The following TRIO variants were observed in gnomAD, a reference collection of about 807,000 sequenced individuals.
The protein encoded by TRIO is triple functional domain protein.
Under a neutral mutation model 351.9 loss-of-function variants are expected in TRIO, and 58 were observed. The observed-to-expected ratio is 0.16, with a 90% confidence interval of 0.13 to 0.21. The LOEUF is 0.21. Among genes scored for constraint, TRIO ranks in the 10% least tolerant of loss-of-function variants. The pLI is 1.00. For synonymous variants in TRIO, 1,758 were observed against 1,595.7 expected, an observed-to-expected ratio of 1.10 and a Z score of -2.42; for missense variants, 3,201 against 4,027.8, an observed-to-expected ratio of 0.79 and a Z score of 5.56.
chr5:14,156,960 T>TATA (rs1211437685), intron 1 of TRIO, among the ~76,000 whole-genome samples: 4 of 152,174 alleles, frequency 2.6e-5, no homozygotes, highest in African/African-American at 9.6e-5. Flanking sequence ...TCATACAGTT[T>TATA]ATAAAAAGGA....
chr5:14,378,253 T>G (rs1745742830), intron 20 of TRIO, 126 bp downstream of exon 20: 1 of 641,902 alleles, frequency 1.6e-6, no homozygotes. Flanking sequence ...CAGTATAGCC[T>G]TCTAGTTAAG....
At chr5:14,396,247 A>G (rs997032251) in intron 28 of TRIO, among the ~76,000 whole-genome samples, 3 of 151,904 alleles carry the variant, frequency 2.0e-5, no homozygotes. Context: ...ATTTGACTGT[A>G]AGTAACTCAT....
intron 1 of TRIO, among the ~76,000 whole-genome samples, chr5:14,255,321 C>G (rs550992323): frequency 6.6e-6 from 1 of 152,112 alleles, no homozygotes; most frequent in Non-Finnish European, 1.5e-5. Flanking sequence ...CTTGGGTTCT[C>G]GGGTAGTGGA....
intron 48 of TRIO, chr5:14,490,949 A>AAAG: frequency 2.3e-6 from 1 of 434,038 alleles, no homozygotes; most frequent in Non-Finnish European, 4.6e-6. Flanking sequence ...TGCACAAGCC[A>AAAG]AAGCCTTCCC....
chr5:14,340,223 C>T (rs1320119296), intron 11 of TRIO, among the ~76,000 whole-genome samples: 3 of 151,912 alleles, frequency 2.0e-5, no homozygotes, highest in East Asian at 3.9e-4. Flanking sequence ...GGTGAAACCC[C>T]GTCTCTACTA....
rs1794523598 is a variant in TRIO at position 14,247,852 on chromosome 5, G to C, written c.158-22973G>C. Among the ~76,000 whole-genome samples the C allele has an allele frequency of 2.0e-5, 3 of 152,236 alleles. No individual in the cohort carries two copies. In the South Asian group the frequency reaches 6.2e-4, roughly 32 times the overall value. On this transcript the variant is annotated intron_variant, in intron 1 of 56. Transcript: ENST00000344204. ...AGAGGCCGAGACAGGCAGATCACGA[G>C]GTCAGGAGTTCAAGACCAGCCTGGC...
intron 34 of TRIO, among the ~76,000 whole-genome samples, chr5:14,456,857 A>C (rs1400827818): frequency 6.6e-6 from 1 of 152,238 alleles, no homozygotes; most frequent in Non-Finnish European, 1.5e-5. Flanking sequence ...ATAGCTAAAA[A>C]TAATAGATAT....
intron 1 of TRIO, among the ~76,000 whole-genome samples, chr5:14,156,943 A>T (rs1273206055): frequency 1.3e-5 from 2 of 152,226 alleles, no homozygotes; most frequent in East Asian, 3.8e-4. Context: ...AGAAAGGGAG[A>T]TTAATTTCAT....
At chr5:14,449,579 G>T (rs1284893674) in intron 34 of TRIO, among the ~76,000 whole-genome samples, 1 of 151,972 alleles carries the variant, frequency 6.6e-6, no homozygotes, top group African/African-American at 2.4e-5. Context: ...CAACAGCCTA[G>T]TGATCAACTG....
At chr5:14,225,788 T>TGGGGGGG in intron 1 of TRIO, among the ~76,000 whole-genome samples, 1 of 46,016 alleles carries the variant, frequency 2.2e-5, no homozygotes, top group South Asian at 1.1e-3. Flanking sequence ...TATTCACTGC[T>TGGGGGGG]CCCACCCCCC....
rs777669224 is a variant in TRIO at position 14,316,545 on chromosome 5, G to A, written c.1533G>A (p.Lys511=). Residue 511 remains lysine, a synonymous_variant, in exon 9 of 57, where the codon AAG becomes AAA. Transcript: ENST00000344204. ...VSQDGKSLLD[K]LQRPLTPGSS... is the part of the protein sequence containing the mutation. Reference sequence around the variant, plus strand: ...AAGATGGGAAGTCGCTCCTTGACAAGCTCCAGCGGCCCTTGACTCCCGGCA... The same window carrying A: ...AAGATGGGAAGTCGCTCCTTGACAAACTCCAGCGGCCCTTGACTCCCGGCA... The A allele has an allele frequency of 3.1e-6, 5 of 1,614,158 alleles. No individual in the cohort carries two copies. The Admixed American group carries it at 6.7e-5, about 22-fold the overall frequency.
intron 1 of TRIO, among the ~76,000 whole-genome samples, chr5:14,188,688 A>C (rs775614227): frequency 1.5e-4 from 23 of 152,240 alleles, no homozygotes; most frequent in Non-Finnish European, 2.2e-4. Flanking sequence ...AAAGATAAGC[A>C]TGCCAATCAT....
rs1737434053 is a variant in TRIO, at chr5:14,297,153, A to G, written c.1258A>G (p.Arg420Gly). The change falls in exon 7 of 57, where the codon AGG becomes GGG. Residue 420 changes from arginine to glycine, a missense_variant. Around this residue, in one of 19 missense-constraint regions of TRIO, gnomAD observed 349 missense variants for 449.3 expected, o/e 0.78. Transcript: ENST00000344204. Reference protein sequence around the residue: ...ESGHYASQQIRQIASQLEQEW... With the variant: ...ESGHYASQQIGQIASQLEQEW... ...TGGCCACTATGCCTCGCAGCAGATC[A>G]GGCAGATCGCGAGTCAGCTGGAGCA... 1.9e-6 allele frequency: 3 copies of G among 1,614,220 alleles called. No homozygotes were observed. The highest frequency in any genetic ancestry group is 4.5e-5 in the East Asian group (2 of 44,882).
chr5:14,465,928 A>G lies in TRIO; in HGVS notation c.5763+288A>G, dbSNP rs1343775488. 3.3e-5 allele frequency: 12 copies of G among 361,096 alleles called. No individual in the cohort carries two copies. The Admixed American group carries it at 3.7e-4, about 11-fold the overall frequency. The allele number at this position is 361,096 out of a possible 1,614,324, so 22.4% of individuals were successfully genotyped here. ...CAGGTCTCAGGGAGTGCCTGGTTCA[A>G]GCTGCCAGCCATGCTCTCCCAGTGG... On this transcript the variant is annotated intron_variant, in intron 37 of 56. Transcript: ENST00000344204.
chr5:14,380,400 G>A (rs1745994187), intron 20 of TRIO, among the ~76,000 whole-genome samples: 1 of 152,034 alleles, frequency 6.6e-6, no homozygotes, highest in Admixed American at 6.6e-5. Flanking sequence ...AGACCTCTGG[G>A]TTTCTCAGCC....
At chr5:14,194,619 G>A (rs891620842) in intron 1 of TRIO, among the ~76,000 whole-genome samples, 15 of 152,210 alleles carry the variant, frequency 9.9e-5, no homozygotes, top group Non-Finnish European at 1.5e-5. Flanking sequence ...ACAGTATACA[G>A]AGGCATATCT....
intron 1 of TRIO, among the ~76,000 whole-genome samples, chr5:14,231,123 G>T (rs773130604): frequency 1.1e-4 from 17 of 152,172 alleles, no homozygotes; most frequent in Non-Finnish European, 2.1e-4. Flanking sequence ...AATTTACTTT[G>T]CTCTAACAAC....
intron 13 of TRIO, among the ~76,000 whole-genome samples, chr5:14,359,802 C>T (rs1393471504): frequency 6.6e-6 from 1 of 152,216 alleles, no homozygotes; most frequent in Non-Finnish European, 1.5e-5. Context: ...GCACAGCAAG[C>T]GCTGAGCGGA....
chr5:14,415,481 A>G (rs6883134), intron 33 of TRIO, among the ~76,000 whole-genome samples: 18,561 of 152,146 alleles, frequency 0.12, 1,724 homozygotes, highest in African/African-American at 0.27. Flanking sequence ...GAACAAAGGA[A>G]GACGTGACAA....
Sources: gnomAD v4.1 joint callset for allele counts (sites outside exome capture counted in the v4.1 genomes callset) on GRCh38, gnomAD v4.1.1 for gene constraint, gnomAD v4.1.1 regional missense constraint, MANE v1.5 for transcripts, NCBI Gene and HGNC (gene_info 2026-07-23, HGNC 2026-07-21) for gene names.